The following LARGE1 variants were observed in gnomAD, a reference collection of about 807,000 sequenced individuals.
LARGE1 encodes the protein LARGE xylosyl- and glucuronyltransferase 1.
In LARGE1, 43 loss-of-function variants were observed where a neutral mutation model predicts 87.6. That is an observed-to-expected ratio of 0.49 (90% CI 0.38 to 0.63). The LOEUF (loss-of-function observed/expected upper bound fraction) is 0.63, where lower values mean the gene tolerates loss of function less well. LARGE1 is among the 30% of genes least tolerant of loss of function. LARGE1 has a pLI of 0.00. For missense variants in LARGE1, 802 were observed against 1,000.2 expected (o/e 0.80, Z 2.67); for synonymous variants, 434 against 394.6 (o/e 1.10, Z -1.18).
intron 1 of LARGE1, among the ~76,000 whole-genome samples, chr22:33,813,771 T>G (rs1381641488): frequency 1.3e-5 from 2 of 152,150 alleles, no homozygotes; most frequent in Non-Finnish European, 2.9e-5. Flanking sequence ...TATCTCCAGT[T>G]TTTCCCAAAC....
rs139733792 is a variant in LARGE1, at chr22:33,257,273, C to T, written c.1730+46956G>A. On this transcript the variant is annotated intron_variant, in intron 11 of 11. Coordinates refer to the LARGE1 transcript ENST00000608642. ...GAAGGCTGGGCACTGTGGCTCATGCCTGTAATCCCAGCACTTTGGGAGGTG... is the reference window on the plus strand; with the variant it reads ...GAAGGCTGGGCACTGTGGCTCATGCTTGTAATCCCAGCACTTTGGGAGGTG... Among the ~76,000 whole-genome samples, 184 of 152,236 alleles carry T rather than the reference C, an allele frequency of 1.2e-3. 1 individual carries two copies. The highest frequency in any genetic ancestry group is 4.3e-3 in the African/African-American group (177 of 41,542).
exon 12 of LARGE1, chr22:33,165,949 G>T (rs991341343): frequency 1.3e-5 from 2 of 152,132 alleles, no homozygotes; most frequent in African/African-American, 4.8e-5. Flanking sequence ...AACAAAACAG[G>T]TACATAGAGG....
chr22:33,223,911 C>T (rs577767807), intron 11 of LARGE1, among the ~76,000 whole-genome samples: 2 of 152,312 alleles, frequency 1.3e-5, no homozygotes, highest in South Asian at 4.2e-4. Flanking sequence ...AATGCTCACC[C>T]AGCCCCACCA....
chr22:33,610,947 T>G (rs2079410033), intron 4 of LARGE1, among the ~76,000 whole-genome samples: 1 of 152,196 alleles, frequency 6.6e-6, no homozygotes, highest in African/African-American at 2.4e-5. Context: ...GAGTGCAAGC[T>G]ATAAACCTTG....
chr22:33,343,024 T>TA (rs141943494), intron 9 of LARGE1, among the ~76,000 whole-genome samples: 7,061 of 152,320 alleles, frequency 0.046, 229 homozygotes, highest in Middle Eastern at 0.088. Flanking sequence ...TTTTCGCCAT[T>TA]AAAAATTGCA....
At chr22:33,551,908 G>C (rs1006697863) in intron 6 of LARGE1, among the ~76,000 whole-genome samples, 4 of 150,876 alleles carry the variant, frequency 2.7e-5, no homozygotes, top group Admixed American at 2.6e-4. Context: ...GCAGGAGAAT[G>C]GTGTGAACCC....
chr22:33,385,159 T>G (rs1255055775), intron 7 of LARGE1, among the ~76,000 whole-genome samples: 1 of 148,584 alleles, frequency 6.7e-6, no homozygotes, highest in Non-Finnish European at 1.5e-5. Context: ...CTTGGTTACT[T>G]TCTGCGGAAG....
In LARGE1 at chr22:33,537,750, T is replaced by C. The variant is rs117400043; in HGVS notation, c.787+27098A>G. ...CCCAGCAAAATTTTTTTTTGGATTT[T>C]TTAGTAGAGACAGGGTTTCACTATA... On this transcript the variant is annotated intron_variant, in intron 6 of 14. Coordinates refer to ENST00000397394, the MANE Select transcript of LARGE1 (RefSeq NM_133642.5). Among the ~76,000 whole-genome samples the C allele has an allele frequency of 5.9e-5, 9 of 152,192 alleles. No individual in the cohort carries two copies. In the East Asian group the frequency reaches 1.7e-3, roughly 29 times the overall value.
chr22:33,868,479 G>A (rs1055753866), intron 1 of LARGE1, among the ~76,000 whole-genome samples: 2 of 152,120 alleles, frequency 1.3e-5, no homozygotes, highest in African/African-American at 2.4e-5. Context: ...GGGCTGAAAT[G>A]AGGTTAGGTG....
At position 33,607,416 on chromosome 22, in the gene LARGE1, G is replaced by C. The variant is rs1163851426; in HGVS notation, c.492-2858C>G. 2.2e-5 allele frequency among the ~76,000 whole-genome samples: 3 copies of C among 135,300 alleles called. No individual in the cohort carries two copies. The Admixed American group carries it at 2.5e-4, about 11-fold the overall frequency. 88.8% of individuals were successfully genotyped at this position (135,300 alleles called of 152,430 possible). A position where few individuals can be genotyped will look rare whatever the true frequency, so the allele number is the denominator to read the frequency against. On this transcript the variant is annotated intron_variant, in intron 4 of 14. Transcript: ENST00000397394. ...GCAGAGGTTGCTGTGAGCCAAGATC[G>C]TGCCATTGCACTCCAGCCTGGGCAA...
At chr22:33,768,684 C>A (rs543909992) in intron 1 of LARGE1, among the ~76,000 whole-genome samples, 2 of 152,160 alleles carry the variant, frequency 1.3e-5, no homozygotes, top group Admixed American at 6.5e-5. Context: ...TCTCTTCATT[C>A]GACTAAAACC....
chr22:33,203,097 C>G (rs5007854), intron 11 of LARGE1, among the ~76,000 whole-genome samples: 30,033 of 132,038 alleles, frequency 0.23, 3,352 homozygotes, highest in Middle Eastern at 0.37. Flanking sequence ...CTCTCTCTCT[C>G]TCTCTGTGTG....
At chr22:33,555,695 G>A (rs921336423) in intron 6 of LARGE1, among the ~76,000 whole-genome samples, 5 of 152,038 alleles carry the variant, frequency 3.3e-5, no homozygotes, top group Non-Finnish European at 7.4e-5. Flanking sequence ...TTGGGTGGCC[G>A]AGACAGGAGG....
In LARGE1 at chr22:33,514,706, G is replaced by A. The variant is rs561128321; in HGVS notation, c.787+50142C>T. 2.6e-5 allele frequency among the ~76,000 whole-genome samples: 4 copies of A among 152,134 alleles called. No individual in the cohort carries two copies. The South Asian group carries it at 8.3e-4, about 32-fold the overall frequency. On this transcript the variant is annotated intron_variant, in intron 6 of 14. Transcript: ENST00000397394. ...TACGGATATGAAGGGACAACTACGTGTATATATATATCATATAGCCTTCTT... is the reference window on the plus strand; with the variant it reads ...TACGGATATGAAGGGACAACTACGTATATATATATATCATATAGCCTTCTT...
intron 6 of LARGE1, among the ~76,000 whole-genome samples, chr22:33,553,328 A>G (rs191073288): frequency 6.6e-6 from 1 of 151,194 alleles, no homozygotes; most frequent in Admixed American, 6.6e-5. Flanking sequence ...GAACAAAGTG[A>G]GACCCTGTGT....
At chr22:33,861,861 T>TTC (rs2146598264) in intron 1 of LARGE1, among the ~76,000 whole-genome samples, 1 of 19,032 alleles carries the variant, frequency 5.3e-5, no homozygotes, top group South Asian at 2.6e-3. Flanking sequence ...CCAGACATTC[T>TTC]TTTTTTTTTT....
chr22:33,420,804 C>A (rs2066664106), intron 7 of LARGE1, among the ~76,000 whole-genome samples: 1 of 152,190 alleles, frequency 6.6e-6, no homozygotes, highest in Non-Finnish European at 1.5e-5. Context: ...GAATGCTCAG[C>A]TCCAAATACC....
chr22:33,510,705 A>C (rs947685918), intron 6 of LARGE1, among the ~76,000 whole-genome samples: 2 of 152,180 alleles, frequency 1.3e-5, no homozygotes, highest in African/African-American at 4.8e-5. Flanking sequence ...CCTCCTGAGT[A>C]GCTGTGACTA....
chr22:33,257,339 A>G (rs943542666), intron 11 of LARGE1, among the ~76,000 whole-genome samples: 3 of 152,164 alleles, frequency 2.0e-5, no homozygotes, highest in African/African-American at 7.2e-5. Flanking sequence ...TTGAGACCAG[A>G]CTAGGCAACA....
Sources: allele counts gnomAD v4.1 joint callset (sites outside exome capture counted in the v4.1 genomes callset), GRCh38; gene constraint gnomAD v4.1.1; transcripts MANE v1.5; gene names NCBI Gene and HGNC (gene_info 2026-07-23, HGNC 2026-07-21).